The following ZBTB20 variants were observed in gnomAD, a reference collection of about 807,000 sequenced individuals.
ZBTB20 encodes zinc finger and BTB domain-containing protein 20.
ZBTB20 carries 9 observed loss-of-function variants against 56.9 expected under a neutral mutation model. That is an observed-to-expected ratio of 0.16 (90% CI 0.10 to 0.28). ZBTB20 has a LOEUF of 0.28. Among genes scored for constraint, ZBTB20 ranks in the 10% least tolerant of loss-of-function variants. The probability of loss-of-function intolerance (pLI) is 1.00; values close to 1 mark genes in which losing one functional copy is unlikely to be tolerated. For synonymous variants in ZBTB20, 417 were observed against 420.7 expected, an observed-to-expected ratio of 0.99 and a Z score of 0.11; for missense variants, 655 against 1,003.0, an observed-to-expected ratio of 0.65 and a Z score of 4.69.
intron 7 of ZBTB20, among the ~76,000 whole-genome samples, chr3:114,418,206 T>C (rs2088778334): frequency 6.6e-6 from 1 of 152,072 alleles, no homozygotes; most frequent in Non-Finnish European, 1.5e-5. Flanking sequence ...ATTCTTTAGG[T>C]GTTATCTGAT....
chr3:114,895,564 T>C (rs1044941225), intron 4 of ZBTB20, among the ~76,000 whole-genome samples: 1 of 152,136 alleles, frequency 6.6e-6, no homozygotes, highest in Non-Finnish European at 1.5e-5. Flanking sequence ...TCTAATTATG[T>C]TGAACTGAGA....
chr3:114,553,803 A>G lies in ZBTB20; in HGVS notation c.-294-53412T>C, dbSNP rs549955444. On this transcript the variant is annotated intron_variant, in intron 6 of 11. Coordinates refer to ENST00000675478, the MANE Select transcript of ZBTB20 (RefSeq NM_001348800.3). ...GATTGAGTAGATGAGAAGAGGAAGG[A>G]ACAATAAAACTCATTCACTCCCATG... Among the ~76,000 whole-genome samples, 3 of 152,300 alleles carry G rather than the reference A, an allele frequency of 2.0e-5. No homozygotes were observed. In the South Asian group the frequency reaches 6.2e-4, roughly 32 times the overall value.
intron 7 of ZBTB20, among the ~76,000 whole-genome samples, chr3:114,401,300 T>C (rs577225433): frequency 1.2e-4 from 19 of 152,272 alleles, no homozygotes; most frequent in Non-Finnish European, 2.6e-4. Context: ...AGAATTCTTC[T>C]TTAAAGTATT....
chr3:114,330,754 G>T lies in ZBTB20; in HGVS notation c.*8251C>A, dbSNP rs1310670455. ...CTGACTTCTGTAAAACAGAAATAAT[G>T]TACAAATCATAAAAAATAACAAACC... On this transcript the variant is annotated 3_prime_UTR_variant, in exon 12 of 12. Transcript: ENST00000675478. 1.3e-5 allele frequency: 2 copies of T among 150,150 alleles called. No individual in the cohort carries two copies. The highest frequency in any genetic ancestry group is 3.0e-5 in the Non-Finnish European group (2 of 67,576). 9.3% of individuals were successfully genotyped at this position (150,150 alleles called of 1,614,324 possible).
intron 11 of ZBTB20, among the ~76,000 whole-genome samples, chr3:114,344,386 AC>A (rs2080030085): frequency 6.6e-6 from 1 of 152,200 alleles, no homozygotes; most frequent in Admixed American, 6.5e-5. Flanking sequence ...AGTCAGTAGC[AC>A]CTGAGAGTAT....
intron 10 of ZBTB20, among the ~76,000 whole-genome samples, chr3:114,371,082 ATCT>A (rs1401867556): frequency 6.6e-6 from 1 of 152,068 alleles, no homozygotes; most frequent in African/African-American, 2.4e-5. Context: ...GCCAAATTAG[ATCT>A]TCTCAAAATC....
At chr3:114,982,429 A>G (rs1304012668) in intron 2 of ZBTB20, among the ~76,000 whole-genome samples, 1 of 152,130 alleles carries the variant, frequency 6.6e-6, no homozygotes, top group East Asian at 1.9e-4. Context: ...TACCAAAGAC[A>G]GCAACCAATT....
chr3:114,479,402 A>G (rs757788650), intron 7 of ZBTB20, among the ~76,000 whole-genome samples: 3 of 152,240 alleles, frequency 2.0e-5, no homozygotes, highest in Non-Finnish European at 4.4e-5. Flanking sequence ...AGCCAGCATG[A>G]TATTTCAAAA....
chr3:114,878,270 G>A (rs532361629), intron 4 of ZBTB20, among the ~76,000 whole-genome samples: 2 of 152,058 alleles, frequency 1.3e-5, no homozygotes, highest in Non-Finnish European at 2.9e-5. Flanking sequence ...TGCTGCCATC[G>A]GCCTTGTTCC....
chr3:115,107,230 C>G (rs1412963945), intron 1 of ZBTB20, among the ~76,000 whole-genome samples: 1 of 151,968 alleles, frequency 6.6e-6, no homozygotes, highest in Non-Finnish European at 1.5e-5. Context: ...AGTTAGAGAC[C>G]AGCCTGGACA....
At chr3:114,866,530 A>T (rs982886542) in intron 4 of ZBTB20, among the ~76,000 whole-genome samples, 3 of 152,200 alleles carry the variant, frequency 2.0e-5, no homozygotes, top group African/African-American at 4.8e-5. Flanking sequence ...TTGGTCAAAC[A>T]TTATTTGGTG....
chr3:114,864,555 T>A (rs537565100), intron 4 of ZBTB20, among the ~76,000 whole-genome samples: 2 of 152,084 alleles, frequency 1.3e-5, no homozygotes, highest in South Asian at 4.1e-4. Context: ...GTAGCTACTA[T>A]CTTATAGCAA....
At chr3:114,578,685 A>G (rs1271336749) in intron 6 of ZBTB20, among the ~76,000 whole-genome samples, 1 of 151,898 alleles carries the variant, frequency 6.6e-6, no homozygotes, top group Non-Finnish European at 1.5e-5. Context: ...AAAATACTCA[A>G]CAAAAAATAC....
intron 4 of ZBTB20, among the ~76,000 whole-genome samples, chr3:114,839,111 C>A (rs2074253761): frequency 6.6e-6 from 1 of 152,054 alleles, no homozygotes; most frequent in African/African-American, 2.4e-5. Flanking sequence ...TTAAATAGTT[C>A]AAAGATAGGC....
intron 6 of ZBTB20, among the ~76,000 whole-genome samples, chr3:114,569,468 G>T (rs1489284135): frequency 6.6e-6 from 1 of 152,174 alleles, no homozygotes; most frequent in Non-Finnish European, 1.5e-5. Flanking sequence ...GCAGGCCCTG[G>T]GATCAGAAAC....
intron 2 of ZBTB20, among the ~76,000 whole-genome samples, chr3:115,036,288 T>C (rs1037272217): frequency 2.6e-5 from 4 of 152,102 alleles, no homozygotes; most frequent in African/African-American, 4.8e-5. Flanking sequence ...AGAAAAGCTT[T>C]GTGATTTTTT....
At position 114,331,128 on chromosome 3, in the gene ZBTB20, T is replaced by TGC. The variant is rs2079238855; in HGVS notation, c.*7876_*7877insGC. 1 of 148,868 alleles carries TGC rather than the reference T, an allele frequency of 6.7e-6. No homozygotes were observed. The highest frequency in any genetic ancestry group is 2.5e-5 in the African/African-American group (1 of 40,370). 9.2% of individuals were successfully genotyped at this position (148,868 alleles called of 1,614,324 possible). On this transcript the variant is annotated 3_prime_UTR_variant, in exon 12 of 12. Coordinates refer to ENST00000675478, the MANE Select transcript of ZBTB20 (RefSeq NM_001348800.3). The stretch of plus-strand genomic sequence containing the variant: ...TTATGTGTGTGTGTGTGTGTGTGTG[T>TGC]GTGTGTGTGCACACTGCATTGCATA...
At chr3:114,839,811 A>G (rs1227332614) in intron 4 of ZBTB20, among the ~76,000 whole-genome samples, 1 of 152,230 alleles carries the variant, frequency 6.6e-6, no homozygotes, top group East Asian at 1.9e-4. Flanking sequence ...AACTGGAGTT[A>G]CATAGCCACA....
intron 4 of ZBTB20, among the ~76,000 whole-genome samples, chr3:114,834,127 T>C (rs1456771534): frequency 1.3e-5 from 2 of 152,164 alleles, no homozygotes; most frequent in East Asian, 3.9e-4. Context: ...AGACCAATGC[T>C]ATGAAGCAGT....
Sources: gnomAD v4.1 joint callset for allele counts (sites outside exome capture counted in the v4.1 genomes callset) on GRCh38, gnomAD v4.1.1 for gene constraint, MANE v1.5 for transcripts, NCBI Gene and HGNC (gene_info 2026-07-23, HGNC 2026-07-21) for gene names.